Variants in PDE11A observed in about 807,000 individuals in gnomAD.
PDE11A encodes dual 3',5'-cyclic-AMP and -GMP phosphodiesterase 11A.
A neutral mutation model predicts 100.5 loss-of-function variants in PDE11A; 100 were observed. The ratio of observed to expected loss-of-function variants is 1.00; its 90% CI spans 0.85 to 1.18. The LOEUF is 1.18. PDE11A is among the 50% of genes most tolerant of loss of function. The probability of loss-of-function intolerance (pLI) is 0.00; values close to 1 mark genes in which losing one functional copy is unlikely to be tolerated. For missense variants in PDE11A, 1,141 were observed against 1,152.6 expected (o/e 0.99, Z 0.15); for synonymous variants, 381 against 420.8 (o/e 0.91, Z 1.16).
intron 2 of PDE11A, among the ~76,000 whole-genome samples, chr2:178,099,446 G>GAAAAAAAA (rs201692711): frequency 2.4e-5 from 2 of 84,558 alleles, no homozygotes; most frequent in Non-Finnish European, 4.8e-5. Context: ...CATCTCAAGA[G>GAAAAAAAA]AAAAAAAAAA....
intron 2 of PDE11A, among the ~76,000 whole-genome samples, chr2:177,940,787 A>G (rs1021719957): frequency 2.0e-5 from 3 of 152,236 alleles, no homozygotes; most frequent in Non-Finnish European, 2.9e-5. Flanking sequence ...GCACTTGAAT[A>G]TATACCGTGA....
intron 9 of PDE11A, among the ~76,000 whole-genome samples, chr2:177,772,837 G>C (rs907970109): frequency 2.0e-5 from 3 of 151,988 alleles, no homozygotes; most frequent in African/African-American, 4.8e-5. Context: ...GTTTGTTATT[G>C]AGTTGTAGGA....
rs554894823 is a variant in PDE11A at position 177,838,642 on chromosome 2, G to A, written c.1500+1609C>T. 3.7e-4 allele frequency among the ~76,000 whole-genome samples: 57 copies of A among 152,306 alleles called. 2 individuals carry two copies. Among genetic ancestry groups the A allele is most frequent in the South Asian group, 2.1e-4 (1 of 4,828 alleles). The stretch of plus-strand genomic sequence containing the variant: ...GTGTCCCCAGTAAAAGGGAGCCATC[G>A]TCTGTGGTTCTGGTTGCATGACCGT... On this transcript the variant is annotated intron_variant, in intron 6 of 19. Coordinates refer to ENST00000286063, the MANE Select transcript of PDE11A (RefSeq NM_016953.4).
intron 10 of PDE11A, among the ~76,000 whole-genome samples, chr2:177,738,414 G>A (rs2081824702): frequency 6.6e-6 from 1 of 152,156 alleles, no homozygotes; most frequent in African/African-American, 2.4e-5. Context: ...TGCTCTTGGG[G>A]GAGACAAGAG....
intron 7 of PDE11A, among the ~76,000 whole-genome samples, chr2:177,818,691 G>T (rs1326664166): frequency 1.3e-5 from 2 of 151,898 alleles, no homozygotes; most frequent in African/African-American, 2.4e-5. Flanking sequence ...TGCTACCAGG[G>T]GGTACATATA....
At position 178,024,180 on chromosome 2, in the gene PDE11A, G is replaced by A. The variant is rs569437871; in HGVS notation, c.913-9720C>T. Among the ~76,000 whole-genome samples, 15 of 152,270 alleles carry A rather than the reference G, an allele frequency of 9.9e-5. No homozygotes were observed. The East Asian group carries it at 2.7e-3, about 28-fold the overall frequency. On this transcript the variant is annotated intron_variant, in intron 1 of 19. Coordinates refer to ENST00000286063, the MANE Select transcript of PDE11A (RefSeq NM_016953.4). ...TAATCCCAGCACTTTGGGAGGCTGA[G>A]GTGGGTGAATCACCTGAGGTCAGGA... is the stretch of plus-strand genomic sequence containing the variant.
intron 6 of PDE11A, among the ~76,000 whole-genome samples, chr2:177,826,260 C>T (rs1223283904): frequency 6.6e-6 from 1 of 152,144 alleles, no homozygotes; most frequent in Non-Finnish European, 1.5e-5. Flanking sequence ...GCTCTTGGAG[C>T]CATCAACATG....
intron 2 of PDE11A, among the ~76,000 whole-genome samples, chr2:177,973,325 C>T (rs1192649381): frequency 5.0e-5 from 5 of 99,922 alleles, no homozygotes; most frequent in South Asian, 4.1e-4. Flanking sequence ...AAAGGGGTGA[C>T]GGACGCACCT....
chr2:177,946,752 C>CT (rs2085441017), intron 2 of PDE11A, among the ~76,000 whole-genome samples: 2 of 53,268 alleles, frequency 3.8e-5, no homozygotes, highest in African/African-American at 7.5e-5. Flanking sequence ...GTCAGCCCCC[C>CT]GCCCGGCCAG....
chr2:178,082,127 C>T (rs1347672623), intron 2 of PDE11A, among the ~76,000 whole-genome samples: 4 of 152,160 alleles, frequency 2.6e-5, no homozygotes, highest in Non-Finnish European at 4.4e-5. Flanking sequence ...CAAGATGCCT[C>T]AGTTTCTATA....
chr2:177,765,762 A>G (rs1250537912), intron 10 of PDE11A, among the ~76,000 whole-genome samples: 3 of 152,198 alleles, frequency 2.0e-5, no homozygotes, highest in Non-Finnish European at 4.4e-5. Context: ...CTACATGCTG[A>G]ACTTGGAATC....
chr2:177,874,539 G>T (rs2084198715), intron 5 of PDE11A, among the ~76,000 whole-genome samples: 1 of 152,128 alleles, frequency 6.6e-6, no homozygotes, highest in South Asian at 2.1e-4. Context: ...GCAGTAAAAA[G>T]CTAAGAGAAA....
chr2:177,914,352 A>C (rs2105746216), intron 2 of PDE11A, among the ~76,000 whole-genome samples: 1 of 152,232 alleles, frequency 6.6e-6, no homozygotes, highest in African/African-American at 2.4e-5. Flanking sequence ...ACAAGCTATG[A>C]GCGCTTTGTC....
intron 2 of PDE11A, among the ~76,000 whole-genome samples, chr2:178,095,774 C>A (rs1235182369): frequency 6.6e-6 from 1 of 152,334 alleles, no homozygotes; most frequent in South Asian, 2.1e-4. Context: ...AACCTCAATT[C>A]TTGACTTCTG....
intron 2 of PDE11A, among the ~76,000 whole-genome samples, chr2:178,006,226 A>T (rs568078166): frequency 4.2e-4 from 64 of 152,350 alleles, no homozygotes; most frequent in Admixed American, 1.7e-3. Context: ...CTGGAAAAAA[A>T]TGTTAAACTA....
intron 12 of PDE11A, among the ~76,000 whole-genome samples, chr2:177,715,910 G>A (rs1048031926): frequency 6.6e-6 from 1 of 152,196 alleles, no homozygotes; most frequent in African/African-American, 2.4e-5. Flanking sequence ...GTGTATGTGG[G>A]TGGTGCCTGG....
rs761995773 is a variant in PDE11A at position 177,663,940 on chromosome 2, C to A, written c.2572G>T (p.Asp858Tyr). Residue 858 changes from aspartate to tyrosine, a missense_variant, in exon 19 of 20, where the codon GAT becomes TAT. By Grantham distance (160) the Asp-to-Tyr change is radical. Coordinates refer to ENST00000286063, the MANE Select transcript of PDE11A (RefSeq NM_016953.4). ...ELKLTPSAIF[D>Y]RNRKDELPRL... ...GGCAGTTCATCCTTCCGGTTCCGATCAAAAATTGCCTAGAATGGGGGGCAG... is the reference window on the plus strand; with the variant it reads ...GGCAGTTCATCCTTCCGGTTCCGATAAAAAATTGCCTAGAATGGGGGGCAG... 8.7e-6 allele frequency: 14 copies of A among 1,608,628 alleles called. No homozygotes were observed. In the South Asian group the frequency reaches 9.9e-5, roughly 11 times the overall value.
chr2:177,721,727 G>A (rs2081531200), intron 12 of PDE11A, among the ~76,000 whole-genome samples: 1 of 152,064 alleles, frequency 6.6e-6, no homozygotes. Flanking sequence ...TATAACATAT[G>A]GTTTATGACC....
intron 1 of PDE11A, among the ~76,000 whole-genome samples, chr2:178,046,805 A>G (rs558650048): frequency 6.6e-6 from 1 of 152,296 alleles, no homozygotes; most frequent in East Asian, 1.9e-4. Flanking sequence ...GTTAGTGTTA[A>G]TCACTAATTA....
Sources: gnomAD v4.1 joint callset for allele counts (sites outside exome capture counted in the v4.1 genomes callset) on GRCh38, gnomAD v4.1.1 for gene constraint, MANE v1.5 for transcripts, NCBI Gene and HGNC (gene_info 2026-07-23, HGNC 2026-07-21) for gene names.